CSMD3: variants seen among roughly 807,000 people sequenced by gnomAD.
CSMD3 encodes CUB and Sushi multiple domains 3, also known as CUB and sushi domain-containing protein 3.
Under a neutral mutation model 435.2 loss-of-function variants are expected in CSMD3, and 177 were observed. The observed-to-expected ratio is 0.41, with a 90% CI of 0.36 to 0.46. The LOEUF is 0.46. Among genes scored for constraint, CSMD3 ranks in the 20% least tolerant of loss-of-function variants. CSMD3 has a pLI of 0.34. For synonymous variants in CSMD3, 1,656 were observed against 1,520.5 expected, an observed-to-expected ratio of 1.09 and a Z score of -2.07; for missense variants, 4,265 against 4,504.6, an observed-to-expected ratio of 0.95 and a Z score of 1.52.
intron 64 of CSMD3, among the ~76,000 whole-genome samples, chr8:112,245,631 G>C (rs1432546001): frequency 6.6e-6 from 1 of 152,008 alleles, no homozygotes; most frequent in African/African-American, 2.4e-5. Flanking sequence ...TCCACCTCCG[G>C]GGTTCAAGCG....
intron 32 of CSMD3, among the ~76,000 whole-genome samples, chr8:112,456,484 A>T (rs190531888): frequency 3.6e-4 from 54 of 150,856 alleles, no homozygotes; most frequent in Middle Eastern, 6.8e-3. Flanking sequence ...AAGAGAGGGG[A>T]AGCTTATTAT....
intron 22 of CSMD3, among the ~76,000 whole-genome samples, chr8:112,602,879 A>T (rs1011950904): frequency 2.0e-5 from 3 of 152,178 alleles, no homozygotes; most frequent in African/African-American, 2.4e-5. Context: ...TGCAGACATC[A>T]GTCTATGGTA....
At chr8:112,438,063 A>G (rs549393451) in intron 32 of CSMD3, among the ~76,000 whole-genome samples, 18 of 152,274 alleles carry the variant, frequency 1.2e-4, no homozygotes, top group African/African-American at 3.8e-4. Context: ...TAACCTCTCC[A>G]ACTATGCCCA....
At chr8:112,274,072 C>T (rs1161117990) in intron 59 of CSMD3, among the ~76,000 whole-genome samples, 1 of 151,762 alleles carries the variant, frequency 6.6e-6, no homozygotes. Context: ...GTTTTAAAGG[C>T]TACGGTGGGA....
chr8:112,754,840 C>T (rs1268549412), intron 13 of CSMD3, among the ~76,000 whole-genome samples: 1 of 152,198 alleles, frequency 6.6e-6, no homozygotes, highest in Non-Finnish European at 1.5e-5. Flanking sequence ...CATATGAGCA[C>T]TTCATATTGG....
intron 66 of CSMD3, among the ~76,000 whole-genome samples, chr8:112,238,323 T>G (rs1813793066): frequency 6.6e-6 from 1 of 152,052 alleles, no homozygotes; most frequent in African/African-American, 2.4e-5. Context: ...GATATATGCA[T>G]GTATCACACT....
At chr8:112,691,298 C>T (rs1156233996) in intron 13 of CSMD3, among the ~76,000 whole-genome samples, 1 of 151,994 alleles carries the variant, frequency 6.6e-6, no homozygotes, top group African/African-American at 2.4e-5. Context: ...CTATCAGGGA[C>T]ATTGGTCTAT....
intron 1 of CSMD3, among the ~76,000 whole-genome samples, chr8:113,378,604 A>C (rs2094400407): frequency 6.6e-6 from 1 of 152,214 alleles, no homozygotes; most frequent in East Asian, 1.9e-4. Flanking sequence ...CAGCGAACCT[A>C]AAAAGAGCCT....
At chr8:112,888,901 G>A (rs989891291) in intron 10 of CSMD3, among the ~76,000 whole-genome samples, 4 of 151,722 alleles carry the variant, frequency 2.6e-5, no homozygotes, top group East Asian at 2.0e-4. Flanking sequence ...AATAAGAGAT[G>A]AGGCCAAGAG....
intron 1 of CSMD3, among the ~76,000 whole-genome samples, chr8:113,413,088 A>T (rs2094566565): frequency 6.6e-6 from 1 of 152,180 alleles, no homozygotes; most frequent in African/African-American, 2.4e-5. Flanking sequence ...GTTTAATTAC[A>T]AATAGATCTT....
intron 59 of CSMD3, among the ~76,000 whole-genome samples, chr8:112,277,278 C>G: frequency 6.6e-6 from 1 of 152,186 alleles, no homozygotes. Context: ...CACCAGATAC[C>G]GTAAATCATC....
chr8:113,243,365 T>A (rs1394864183), intron 3 of CSMD3, among the ~76,000 whole-genome samples: 1 of 151,762 alleles, frequency 6.6e-6, no homozygotes, highest in Admixed American at 6.6e-5. Context: ...GTATATTTTA[T>A]TTTAAAATAT....
chr8:112,867,140 G>T (rs1481322814), intron 10 of CSMD3, among the ~76,000 whole-genome samples: 1 of 152,102 alleles, frequency 6.6e-6, no homozygotes, highest in African/African-American at 2.4e-5. Flanking sequence ...GAGAGAAATG[G>T]TGTGACTATA....
intron 32 of CSMD3, among the ~76,000 whole-genome samples, chr8:112,449,539 A>G (rs1468684621): frequency 6.6e-6 from 1 of 152,198 alleles, no homozygotes; most frequent in Non-Finnish European, 1.5e-5. Flanking sequence ...CTGTGGATAC[A>G]GAATCACCTG....
chr8:112,620,787 G>A (rs972271945), intron 22 of CSMD3, among the ~76,000 whole-genome samples: 9 of 152,070 alleles, frequency 5.9e-5, no homozygotes, highest in East Asian at 1.9e-4. Flanking sequence ...AATCCTTCCC[G>A]GGATCACACC....
At chr8:113,354,581 GT>G (rs1250084704) in intron 1 of CSMD3, among the ~76,000 whole-genome samples, 1 of 152,182 alleles carries the variant, frequency 6.6e-6, no homozygotes, top group Non-Finnish European at 1.5e-5. Flanking sequence ...ATTCAGCAAT[GT>G]CAAATGGGGA....
intron 2 of CSMD3, among the ~76,000 whole-genome samples, chr8:113,291,795 T>A (rs546416063): frequency 1.3e-5 from 2 of 152,030 alleles, no homozygotes; most frequent in Admixed American, 6.6e-5. Context: ...GAACTAGGTG[T>A]GTATTCTACA....
At chr8:112,487,464 G>A (rs73700937) in intron 31 of CSMD3, among the ~76,000 whole-genome samples, 2,637 of 152,238 alleles carry the variant, frequency 0.017, 79 homozygotes, top group African/African-American at 0.06. Flanking sequence ...ATGTAGCAGA[G>A]GGAGGAAACA....
At chr8:112,948,484 T>C (rs1372896018) in intron 8 of CSMD3, among the ~76,000 whole-genome samples, 1 of 151,992 alleles carries the variant, frequency 6.6e-6, no homozygotes, top group Non-Finnish European at 1.5e-5. Flanking sequence ...TATGATTTAT[T>C]TAGCTTTTGT....
Sources: allele counts gnomAD v4.1 joint callset (sites outside exome capture counted in the v4.1 genomes callset), GRCh38; gene constraint gnomAD v4.1.1; transcripts MANE v1.5; gene names NCBI Gene and HGNC (gene_info 2026-07-23, HGNC 2026-07-21).